CDC14B: variants seen among roughly 807,000 people sequenced by gnomAD.
CDC14B encodes the protein cell division cycle 14B.
Under a neutral mutation model 64.2 loss-of-function variants are expected in CDC14B, and 22 were observed. That is an observed-to-expected ratio of 0.34 (90% CI 0.24 to 0.49). The LOEUF is 0.49. CDC14B is among the 20% of genes least tolerant of loss of function. The pLI, the probability that CDC14B is intolerant of heterozygous loss-of-function variation, is 0.99. For missense variants in CDC14B, 498 were observed against 629.9 expected (o/e 0.79, Z 2.24); for synonymous variants, 191 against 215.8 (o/e 0.89, Z 1.01).
intron 1 of CDC14B, among the ~76,000 whole-genome samples, chr9:96,566,161 T>G (rs886852037): frequency 6.6e-6 from 1 of 152,198 alleles, no homozygotes; most frequent in African/African-American, 2.4e-5. Context: ...TAATGAGTAG[T>G]AAGGCTCAGG....
chr9:96,583,409 A>ATTG (rs1845281251), intron 1 of CDC14B, among the ~76,000 whole-genome samples: 1 of 146,014 alleles, frequency 6.8e-6, no homozygotes, highest in East Asian at 2.0e-4. Flanking sequence ...TATTATTATT[A>ATTG]TTATTGAGAC....
At chr9:96,526,634 C>T (rs1353299955) in intron 9 of CDC14B, among the ~76,000 whole-genome samples, 2 of 152,194 alleles carry the variant, frequency 1.3e-5, no homozygotes, top group Non-Finnish European at 2.9e-5. Flanking sequence ...TTCATACTGT[C>T]ATCATTTTTC....
chr9:96,555,201 ATACTGGAGTAATAGGG>A (rs772049060), intron 4 of CDC14B, among the ~76,000 whole-genome samples: 14 of 152,186 alleles, frequency 9.2e-5, no homozygotes, highest in Non-Finnish European at 1.2e-4. Flanking sequence ...AACGAACAGG[ATACTGGAGTAATAGGG>A]TGTGATTTCA....
At chr9:96,554,056 C>T (rs1265697483) in intron 4 of CDC14B, among the ~76,000 whole-genome samples, 1 of 152,062 alleles carries the variant, frequency 6.6e-6, no homozygotes, top group Non-Finnish European at 1.5e-5. Context: ...CCCAGCCACT[C>T]AGGAGGCTAA....
chr9:96,491,074 C>T (rs1295821518), exon 14 of CDC14B: 2 of 152,422 alleles, frequency 1.3e-5, no homozygotes, highest in South Asian at 4.1e-4. Flanking sequence ...CGGGAACACA[C>T]ACTGTGCTGG....
chr9:96,563,801 G>A (rs1476095239), intron 3 of CDC14B, among the ~76,000 whole-genome samples: 2 of 152,150 alleles, frequency 1.3e-5, no homozygotes, highest in Admixed American at 6.5e-5. Context: ...TGGAGGAAGA[G>A]AGAATTATTT....
rs139095306 is a variant in CDC14B, at chr9:96,524,206, C to G, written c.947-481G>C. On this transcript the variant is annotated intron_variant, in intron 9 of 13. Transcript: ENST00000375241. ...CCGCCTGCCTTGGCCTCCTAAAATG[C>G]TGGTATTATACACTTGAGCCACCAC... Among the ~76,000 whole-genome samples, 484 of 152,342 alleles carry G rather than the reference C, an allele frequency of 3.2e-3. 2 individuals are homozygous for G. Among genetic ancestry groups the G allele is most frequent in the South Asian group, 4.8e-3 (23 of 4,830 alleles).
intron 5 of CDC14B, among the ~76,000 whole-genome samples, chr9:96,551,257 C>T (rs1841793428): frequency 6.6e-6 from 1 of 151,950 alleles, no homozygotes; most frequent in South Asian, 2.1e-4. Flanking sequence ...GCTGGGACTA[C>T]AGGCATGTGC....
intron 3 of CDC14B, among the ~76,000 whole-genome samples, chr9:96,563,448 C>A (rs16905621): frequency 6.6e-6 from 1 of 151,904 alleles, no homozygotes; most frequent in African/African-American, 2.4e-5. Flanking sequence ...GTCAGGAGTT[C>A]GAGACCAGCC....
chr9:96,576,632 C>CAA (rs11304216), intron 1 of CDC14B, among the ~76,000 whole-genome samples: 55 of 81,570 alleles, frequency 6.7e-4, no homozygotes, highest in Admixed American at 8.8e-4. Context: ...GACTCCATCT[C>CAA]AAAAAAAAAA....
intron 1 of CDC14B, among the ~76,000 whole-genome samples, chr9:96,586,155 C>T (rs996858876): frequency 6.6e-6 from 1 of 151,912 alleles, no homozygotes; most frequent in Non-Finnish European, 1.5e-5. Flanking sequence ...ATGCAAATTA[C>T]ACTTGATTTT....
At chr9:96,558,409 C>T (rs1166128514) in intron 4 of CDC14B, among the ~76,000 whole-genome samples, 1 of 152,142 alleles carries the variant, frequency 6.6e-6, no homozygotes, top group East Asian at 1.9e-4. Context: ...TCACATGTAA[C>T]CCATAAATAT....
In CDC14B at chr9:96,583,370, TTTATTATTATTA is replaced by T. The variant is rs60483659; in HGVS notation, c.161-17899_161-17888del. On this transcript the variant is annotated intron_variant, in intron 1 of 13. Coordinates refer to ENST00000375241, the MANE Select transcript of CDC14B (RefSeq NM_033331.4). ...ACCCTCCGGCTACTGGTTGTATTTA[TTTATTATTATTA>T]TTATTATTATTATTATTATTATTAT... Among the ~76,000 whole-genome samples the T allele has an allele frequency of 2.0e-3, 281 of 139,092 alleles. 1 individual carries two copies. Among genetic ancestry groups the T allele is most frequent in the East Asian group, 2.9e-3 (14 of 4,802 alleles). 91.2% of individuals were successfully genotyped at this position (139,092 alleles called of 152,430 possible). A position where few individuals can be genotyped will look rare whatever the true frequency, so the allele number is the denominator to read the frequency against.
In CDC14B at chr9:96,502,916, G is replaced by C. The variant is rs961817696; in HGVS notation, c.*837C>G. 26 of 398,362 alleles carry C rather than the reference G, an allele frequency of 6.5e-5. No homozygotes were observed. The highest frequency in any genetic ancestry group is 1.3e-5 in the Non-Finnish European group (3 of 226,044). 24.7% of individuals were successfully genotyped at this position (398,362 alleles called of 1,614,324 possible). ...CTGTTTCCAAGGGGAAAAACCAATA[G>C]TGTGTTTCTTCCATTCATGGAAGGA... On this transcript the variant is annotated 3_prime_UTR_variant, in exon 14 of 14. Transcript: ENST00000375241.
intron 9 of CDC14B, among the ~76,000 whole-genome samples, chr9:96,532,976 TTTC>T (rs1440858623): frequency 2.7e-4 from 41 of 152,290 alleles, no homozygotes; most frequent in South Asian, 2.1e-4. Flanking sequence ...TGTGGATTTA[TTTC>T]TTCTTCTTTT....
intron 12 of CDC14B, among the ~76,000 whole-genome samples, chr9:96,518,879 G>C (rs1413180692): frequency 6.6e-6 from 1 of 152,146 alleles, no homozygotes; most frequent in Admixed American, 6.5e-5. Context: ...GCTCACACCT[G>C]TAATCCCAGC....
downstream of CDC14B, among the ~76,000 whole-genome samples, chr9:96,497,044 G>T (rs926848416): frequency 6.6e-6 from 1 of 152,222 alleles, no homozygotes; most frequent in Admixed American, 6.5e-5. Context: ...GTTTAACACA[G>T]AGAAACACAC....
At chr9:96,514,062 C>T (rs918200846) in intron 12 of CDC14B, among the ~76,000 whole-genome samples, 2 of 152,186 alleles carry the variant, frequency 1.3e-5, no homozygotes, top group African/African-American at 4.8e-5. Context: ...CTTTTTGCTT[C>T]TCAAAATTCC....
intron 12 of CDC14B, among the ~76,000 whole-genome samples, chr9:96,519,929 TG>T (rs1201893194): frequency 6.6e-6 from 1 of 152,144 alleles, no homozygotes; most frequent in Non-Finnish European, 1.5e-5. Context: ...CAAACTTGGA[TG>T]AAGAAATTGA....
Sources: allele counts gnomAD v4.1 joint callset (sites outside exome capture counted in the v4.1 genomes callset), GRCh38; gene constraint gnomAD v4.1.1; transcripts MANE v1.5; gene names NCBI Gene and HGNC (gene_info 2026-07-23, HGNC 2026-07-21).